CALCRL: variants seen among roughly 807,000 people sequenced by gnomAD.
CALCRL encodes the protein calcitonin gene-related peptide type 1 receptor.
A neutral mutation model predicts 60.4 loss-of-function variants in CALCRL; 27 were observed. The ratio of observed to expected loss-of-function variants is 0.45; its 90% CI spans 0.33 to 0.62. The LOEUF is 0.62. Ranked by LOEUF, CALCRL falls within the 20% of genes least tolerant of loss-of-function variation. The probability of loss-of-function intolerance (pLI) is 0.03; values close to 1 mark genes in which losing one functional copy is unlikely to be tolerated. For missense variants in CALCRL, 424 were observed against 540.7 expected (o/e 0.78, Z 2.14); for synonymous variants, 190 against 182.6 (o/e 1.04, Z -0.33).
At chr2:187,354,810 G>T in intron 12 of CALCRL, among the ~76,000 whole-genome samples, 1 of 151,980 alleles carries the variant, frequency 6.6e-6, no homozygotes, top group South Asian at 2.1e-4. Flanking sequence ...TGTTTCCAAG[G>T]ATAGTGTAGA....
At chr2:187,357,991 G>GCCC (rs1686873863) in intron 12 of CALCRL, among the ~76,000 whole-genome samples, 1 of 151,816 alleles carries the variant, frequency 6.6e-6, no homozygotes, top group African/African-American at 2.4e-5. Flanking sequence ...CACTCCTAAG[G>GCCC]ACTGTAATTG....
chr2:187,428,688 T>C (rs1369965406), intron 1 of CALCRL: 1 of 152,272 alleles, frequency 6.6e-6, no homozygotes, highest in Non-Finnish European at 1.5e-5. Context: ...GGTCGGGAGA[T>C]TGAGACCATC....
Position 187,342,615 on chromosome 2 carries a change from A to T in CALCRL, c.*3569T>A, listed in dbSNP as rs1386798482. ...AAGGAGGAGAGATTATAAGAAAAAA[A>T]CACAAGTGTTTTAAATGGGCATTTT... On this transcript the variant is annotated 3_prime_UTR_variant, in exon 15 of 15. Coordinates refer to ENST00000392370, the MANE Select transcript of CALCRL (RefSeq NM_005795.6). 2.0e-5 allele frequency among the ~76,000 whole-genome samples: 3 copies of T among 151,662 alleles called. No homozygotes were observed. Among genetic ancestry groups the T allele is most frequent in the African/African-American group, 7.2e-5 (3 of 41,386 alleles).
chr2:187,433,243 T>C (rs1559077754), intron 1 of CALCRL, among the ~76,000 whole-genome samples: 1 of 152,084 alleles, frequency 6.6e-6, no homozygotes, highest in Non-Finnish European at 1.5e-5. Flanking sequence ...GAAGTAGAAA[T>C]ACTCAGAAGC....
rs542221075 is a variant in CALCRL, at chr2:187,360,448, G to T, written c.781+150C>A. ...GAGTCAGTGATACTTTGCTTAAAAT[G>T]TTGCAATTTACAAGAATAAGCAAAA... On this transcript the variant is annotated intron_variant, in intron 10 of 14. Transcript: ENST00000392370. The T allele has an allele frequency of 4.4e-4, 271 of 611,814 alleles. No individual in the cohort carries two copies. The African/African-American group carries it at 4.5e-3, about 10-fold the overall frequency. The allele number at this position is 611,814 out of a possible 1,614,324, so 37.9% of individuals were successfully genotyped here. A position where few individuals can be genotyped will look rare whatever the true frequency, so the allele number is the denominator to read the frequency against.
At chr2:187,403,489 G>A (rs1688985934) in intron 1 of CALCRL, among the ~76,000 whole-genome samples, 1 of 151,922 alleles carries the variant, frequency 6.6e-6, no homozygotes, top group African/African-American at 2.4e-5. Flanking sequence ...AAAGAAAGGT[G>A]ACATTTTGTT....
chr2:187,440,515 G>C (rs1245361294), intron 1 of CALCRL, among the ~76,000 whole-genome samples: 1 of 152,076 alleles, frequency 6.6e-6, no homozygotes, highest in Non-Finnish European at 1.5e-5. Flanking sequence ...AACTTATTCA[G>C]ACCTCTAGCT....
Position 187,352,539 on chromosome 2 carries a change from T to C in CALCRL, c.910-207A>G, listed in dbSNP as rs189203281. Among the ~76,000 whole-genome samples the C allele has an allele frequency of 4.9e-3, 746 of 151,892 alleles. 5 individuals are homozygous for C. The highest frequency in any genetic ancestry group is 0.017 in the African/African-American group (702 of 41,494). On this transcript the variant is annotated intron_variant, in intron 12 of 14. Coordinates refer to ENST00000392370, the MANE Select transcript of CALCRL (RefSeq NM_005795.6). ...AGTACATCAATTTTAATAAACAAGT[T>C]TTAAAAAAGTAAAATTAAATTATGG... is the stretch of plus-strand genomic sequence containing the variant.
intron 1 of CALCRL, among the ~76,000 whole-genome samples, chr2:187,435,476 T>C (rs769887737): frequency 2.8e-4 from 42 of 152,270 alleles, no homozygotes; most frequent in Non-Finnish European, 5.3e-4. Flanking sequence ...GGGAATCACA[T>C]TTCAATATTC....
chr2:187,343,516 A>G lies in CALCRL; in HGVS notation c.*2668T>C, dbSNP rs1448943811. On this transcript the variant is annotated 3_prime_UTR_variant, in exon 15 of 15. Transcript: ENST00000392370. ...CAGCACTACAGCCACCACTAATTCT[A>G]TATACATTGGATTACATTTAAACAA... 2 of 152,022 alleles carry G rather than the reference A, an allele frequency of 1.3e-5. No homozygotes were observed. Among genetic ancestry groups the G allele is most frequent in the African/African-American group, 4.8e-5 (2 of 41,436 alleles). The allele number at this position is 152,022 out of a possible 1,614,324, so 9.4% of individuals were successfully genotyped here.
At chr2:187,382,412 T>C (rs1252893788) in intron 5 of CALCRL, among the ~76,000 whole-genome samples, 1 of 152,188 alleles carries the variant, frequency 6.6e-6, no homozygotes, top group African/African-American at 2.4e-5. Flanking sequence ...TGTTCAACAA[T>C]TAAATTTAAA....
chr2:187,413,790 T>C (rs1689468724), intron 1 of CALCRL, among the ~76,000 whole-genome samples: 1 of 152,106 alleles, frequency 6.6e-6, no homozygotes, highest in Non-Finnish European at 1.5e-5. Context: ...CATTTACATC[T>C]TAAGGGAAGT....
At chr2:187,409,663 T>C (rs1427417940) in intron 1 of CALCRL, among the ~76,000 whole-genome samples, 3 of 152,164 alleles carry the variant, frequency 2.0e-5, no homozygotes, top group South Asian at 4.1e-4. Flanking sequence ...GAAACTATAA[T>C]AGGGGAGACA....
rs192501656 is a variant in CALCRL at position 187,441,309 on chromosome 2, T to G, written c.-293+6730A>C. Reference sequence around the variant, plus strand: ...ATATGTATTTGATTTATCTAATTTTTCAGACATTAAGAGATCTGATTTACC... The same window carrying G: ...ATATGTATTTGATTTATCTAATTTTGCAGACATTAAGAGATCTGATTTACC... On this transcript the variant is annotated intron_variant, in intron 1 of 14. Transcript: ENST00000392370. Among the ~76,000 whole-genome samples, 20 of 152,186 alleles carry G rather than the reference T, an allele frequency of 1.3e-4. No individual in the cohort carries two copies. The East Asian group carries it at 3.9e-3, about 29-fold the overall frequency.
chr2:187,359,594 C>T (rs577788065), intron 10 of CALCRL, among the ~76,000 whole-genome samples: 3 of 152,130 alleles, frequency 2.0e-5, no homozygotes, highest in South Asian at 2.1e-4. Context: ...ATTCAGCATT[C>T]GTGTACTTTC....
chr2:187,387,155 G>A (rs1432497502), intron 3 of CALCRL, among the ~76,000 whole-genome samples, 174 bp downstream of exon 3: 1 of 152,120 alleles, frequency 6.6e-6, no homozygotes, highest in Non-Finnish European at 1.5e-5. Flanking sequence ...ATTTAATTTT[G>A]TTAGGAAACT....
At chr2:187,417,894 T>C (rs1689686824) in intron 1 of CALCRL, among the ~76,000 whole-genome samples, 1 of 152,208 alleles carries the variant, frequency 6.6e-6, no homozygotes, top group Non-Finnish European at 1.5e-5. Context: ...TAACAGTTTA[T>C]ACAATAAAAA....
chr2:187,435,711 G>T (rs992547692), intron 1 of CALCRL, among the ~76,000 whole-genome samples: 1 of 152,090 alleles, frequency 6.6e-6, no homozygotes, highest in Non-Finnish European at 1.5e-5. Context: ...ATCGGAGATG[G>T]AGCTGCCTTA....
chr2:187,431,230 C>T (rs540812001), intron 1 of CALCRL: 1 of 154,716 alleles, frequency 6.5e-6, no homozygotes, highest in South Asian at 2.0e-4. Flanking sequence ...TTATCCTCAG[C>T]TTTACTGGAA....
Sources: allele counts gnomAD v4.1 joint callset (sites outside exome capture counted in the v4.1 genomes callset), GRCh38; gene constraint gnomAD v4.1.1; transcripts MANE v1.5; gene names NCBI Gene and HGNC (gene_info 2026-07-23, HGNC 2026-07-21).